The following WASF3 variants were observed in gnomAD, a reference collection of about 807,000 sequenced individuals.
WASF3 encodes the protein actin-binding protein WASF3.
In WASF3, 11 loss-of-function variants were observed where a neutral mutation model predicts 46.6. The ratio of observed to expected loss-of-function variants is 0.24; its 90% CI spans 0.15 to 0.39. The LOEUF is 0.39. Among genes scored for constraint, WASF3 ranks in the 10% least tolerant of loss-of-function variants. The pLI, the probability that WASF3 is intolerant of heterozygous loss-of-function variation, is 1.00. For synonymous variants in WASF3, 242 were observed against 259.7 expected, an observed-to-expected ratio of 0.93 and a Z score of 0.65; for missense variants, 576 against 669.8, an observed-to-expected ratio of 0.86 and a Z score of 1.55.
At position 26,642,288 on chromosome 13, in the gene WASF3, G is replaced by A; in HGVS notation, c.18G>A (p.Arg6=). Residue 6 remains arginine, a synonymous_variant, in exon 3 of 10, where the codon AGG becomes AGA. Transcript: ENST00000335327. Reference sequence around the variant, plus strand: ...TGTGAACCATGCCTTTAGTGAAGAGGAACATTGAGCCCCGGCACTTGTGCC... The same window carrying A: ...TGTGAACCATGCCTTTAGTGAAGAGAAACATTGAGCCCCGGCACTTGTGCC... MPLVK[R]NIEPRHLCRG... The A allele has an allele frequency of 6.3e-7, 1 of 1,580,688 alleles. No homozygotes were observed. Among genetic ancestry groups the A allele is most frequent in the South Asian group, 1.2e-5 (1 of 84,450 alleles).
chr13:26,565,717 T>G (rs1281906560), intron 1 of WASF3, among the ~76,000 whole-genome samples: 2 of 152,230 alleles, frequency 1.3e-5, no homozygotes, highest in African/African-American at 2.4e-5. Flanking sequence ...AATTGTTCTT[T>G]GAGATATCCC....
Position 26,558,309 on chromosome 13 carries a change from C to T in WASF3, c.-109+490C>T, listed in dbSNP as rs1371012019. Among the ~76,000 whole-genome samples, 8 of 152,158 alleles carry T rather than the reference C, an allele frequency of 5.3e-5. No individual in the cohort carries two copies. In the South Asian group the frequency reaches 6.2e-4, roughly 12 times the overall value. ...GCGTGCCCCCCGGCCCCATTCGGCC[C>T]TCGCCGCCCTGGCCTGTGCCCTCTT... On this transcript the variant is annotated intron_variant, in intron 1 of 9. Coordinates refer to ENST00000335327, the MANE Select transcript of WASF3 (RefSeq NM_006646.6).
intron 1 of WASF3, among the ~76,000 whole-genome samples, chr13:26,593,669 G>A (rs936315976): frequency 1.3e-5 from 2 of 152,130 alleles, no homozygotes; most frequent in African/African-American, 4.8e-5. Context: ...TAAAAACAAG[G>A]AATTGTCTGC....
rs569868622 is a variant in WASF3 at position 26,662,356 on chromosome 13, T to C, written c.134-2672T>C. Among the ~76,000 whole-genome samples, 7 of 152,346 alleles carry C rather than the reference T, an allele frequency of 4.6e-5. No homozygotes were observed. In the East Asian group the frequency reaches 1.2e-3, roughly 25 times the overall value. On this transcript the variant is annotated intron_variant, in intron 3 of 9. Transcript: ENST00000335327. The stretch of plus-strand genomic sequence containing the variant: ...TACCAAAAAGACACATGCACTTGTA[T>C]GTTCATCACAGTGCTGTTTGCAGTA...
intron 2 of WASF3, among the ~76,000 whole-genome samples, chr13:26,631,032 T>G (rs187112609): frequency 5.3e-5 from 8 of 152,350 alleles, no homozygotes; most frequent in Admixed American, 4.6e-4. Flanking sequence ...TTTGTTTGGT[T>G]CATTGTAGAT....
At chr13:26,636,524 C>A (rs927718659) in intron 2 of WASF3, among the ~76,000 whole-genome samples, 1 of 152,238 alleles carries the variant, frequency 6.6e-6, no homozygotes, top group Non-Finnish European at 1.5e-5. Context: ...CACCCACTGT[C>A]CAACCAGTCC....
chr13:26,568,293 T>C (rs73491015), intron 1 of WASF3, among the ~76,000 whole-genome samples: 5,450 of 152,188 alleles, frequency 0.036, 343 homozygotes, highest in African/African-American at 0.12. Context: ...CTCTGTGTGC[T>C]AGGTAGGCAT....
chr13:26,638,827 G>A (rs564325907), intron 2 of WASF3: 27 of 152,294 alleles, frequency 1.8e-4, no homozygotes, highest in African/African-American at 6.5e-4. Context: ...TGGCCTAGTG[G>A]GATCTCTTAT....
the WASF3 span, among the ~76,000 whole-genome samples, chr13:26,548,247 C>T: frequency 4.6e-5 from 7 of 152,146 alleles, no homozygotes; most frequent in Non-Finnish European, 8.8e-5. Context: ...TCCAGACTAC[C>T]CTGTCTGTAA....
intron 1 of WASF3, among the ~76,000 whole-genome samples, chr13:26,573,898 C>T (rs1879711718): frequency 6.6e-6 from 1 of 152,144 alleles, no homozygotes; most frequent in Admixed American, 6.5e-5. Flanking sequence ...TTGAACTTTA[C>T]AGAAATAAAT....
chr13:26,551,720 T>C, the WASF3 span, among the ~76,000 whole-genome samples: 2 of 152,104 alleles, frequency 1.3e-5, no homozygotes, highest in Non-Finnish European at 2.9e-5. Context: ...GGAGGGGTAT[T>C]CAGACAGAAA....
chr13:26,648,534 C>T (rs1476680080), intron 3 of WASF3, among the ~76,000 whole-genome samples: 7 of 151,908 alleles, frequency 4.6e-5, no homozygotes, highest in African/African-American at 1.5e-4. Context: ...TGTTTTTAGC[C>T]AAACAAGATT....
At chr13:26,570,051 C>G (rs1281244609) in intron 1 of WASF3, among the ~76,000 whole-genome samples, 1 of 152,136 alleles carries the variant, frequency 6.6e-6, no homozygotes, top group Non-Finnish European at 1.5e-5. Flanking sequence ...TTTGGGAGGC[C>G]AAGGTGGGCG....
chr13:26,619,331 C>G (rs1406415260), intron 2 of WASF3: 2 of 152,166 alleles, frequency 1.3e-5, no homozygotes, highest in Admixed American at 6.5e-5. Context: ...TGAAATGTCA[C>G]CTTAAACTGC....
chr13:26,558,479 G>A (rs533623984), intron 1 of WASF3, among the ~76,000 whole-genome samples: 1 of 108,764 alleles, frequency 9.2e-6, no homozygotes, highest in Non-Finnish European at 2.3e-5. Context: ...CCGCGCGCAC[G>A]GAGCCGCGGC....
chr13:26,539,693 T>C, the WASF3 span, among the ~76,000 whole-genome samples: 4 of 152,204 alleles, frequency 2.6e-5, no homozygotes, highest in Non-Finnish European at 5.9e-5. Flanking sequence ...TAGATAAATC[T>C]AAGTCTGATT....
chr13:26,659,450 T>C (rs915350175), intron 3 of WASF3, among the ~76,000 whole-genome samples: 1 of 152,050 alleles, frequency 6.6e-6, no homozygotes, highest in African/African-American at 2.4e-5. Flanking sequence ...CCTTTAGCTT[T>C]TATTCTGAGT....
intron 1 of WASF3, among the ~76,000 whole-genome samples, chr13:26,573,181 T>C (rs1203749989): frequency 4.6e-5 from 7 of 152,218 alleles, no homozygotes; most frequent in Non-Finnish European, 1.0e-4. Context: ...TTTCTATCTC[T>C]ATGGGTGTCC....
At position 26,686,724 on chromosome 13, in the gene WASF3, C is replaced by T. The variant is rs1883416849; in HGVS notation, c.*879C>T. ...AGCTGGGCAGAGCTGCGGCACAGGGCCTGGGCTGCAAAGGAGCCCTGCTCC... is the reference window on the plus strand; with the variant it reads ...AGCTGGGCAGAGCTGCGGCACAGGGTCTGGGCTGCAAAGGAGCCCTGCTCC... On this transcript the variant is annotated 3_prime_UTR_variant, in exon 10 of 10. Transcript: ENST00000335327. 6.6e-6 allele frequency: 1 copy of T among 152,470 alleles called. No homozygotes were observed. Among genetic ancestry groups the T allele is most frequent in the Admixed American group, 6.5e-5 (1 of 15,288 alleles). The allele number at this position is 152,470 out of a possible 1,614,324, so 9.4% of individuals were successfully genotyped here.
Sources: allele counts gnomAD v4.1 joint callset (sites outside exome capture counted in the v4.1 genomes callset), GRCh38; gene constraint gnomAD v4.1.1; transcripts MANE v1.5; gene names NCBI Gene and HGNC (gene_info 2026-07-23, HGNC 2026-07-21).